Variants in HMGB1 observed in about 807,000 individuals in gnomAD.
The protein encoded by HMGB1 is high mobility group box 1.
For synonymous variants in HMGB1, 81 were observed against 84.0 expected, an observed-to-expected ratio of 0.96 and a Z score of 0.19; for missense variants, 79 against 253.5, an observed-to-expected ratio of 0.31 and a Z score of 4.67.
At chr13:30,486,218 A>G (rs925597884) in intron 1 of HMGB1, among the ~76,000 whole-genome samples, 1 of 152,190 alleles carries the variant, frequency 6.6e-6, no homozygotes, top group Non-Finnish European at 1.5e-5. Context: ...AGGCTGGCAT[A>G]TAGTCTGGTC....
intron 1 of HMGB1, among the ~76,000 whole-genome samples, chr13:30,604,058 G>C (rs1950429728): frequency 6.6e-6 from 1 of 150,836 alleles, no homozygotes; most frequent in South Asian, 2.1e-4. Context: ...ATAATGCTGT[G>C]ATGAAAAATA....
At chr13:30,543,983 A>T (rs887179289) in intron 1 of HMGB1, among the ~76,000 whole-genome samples, 2 of 152,206 alleles carry the variant, frequency 1.3e-5, no homozygotes, top group Non-Finnish European at 2.9e-5. Context: ...TTGAGATCAA[A>T]CCTCCATTCA....
At chr13:30,553,214 C>CG (rs1566023310) in intron 1 of HMGB1, among the ~76,000 whole-genome samples, 4 of 152,046 alleles carry the variant, frequency 2.6e-5, no homozygotes, top group South Asian at 4.1e-4. Flanking sequence ...TCTCTCCTTC[C>CG]GGGGGGTCAT....
intron 1 of HMGB1, among the ~76,000 whole-genome samples, chr13:30,496,095 TC>T (rs1418445354): frequency 6.6e-6 from 1 of 152,218 alleles, no homozygotes; most frequent in Admixed American, 6.5e-5. Context: ...TGGAGTCAAC[TC>T]AAACACTTAG....
At chr13:30,484,680 G>A (rs958293749) in intron 1 of HMGB1, among the ~76,000 whole-genome samples, 3 of 152,004 alleles carry the variant, frequency 2.0e-5, no homozygotes, top group African/African-American at 7.2e-5. Flanking sequence ...AACTAGCCTA[G>A]GAAACATTGT....
At chr13:30,616,828 C>T (rs1950569450) in exon 1 of HMGB1, 1 of 152,148 alleles carries the variant, frequency 6.6e-6, no homozygotes, top group Non-Finnish European at 1.5e-5. Flanking sequence ...CAGCATTATT[C>T]CAGAATATAA....
intron 1 of HMGB1, among the ~76,000 whole-genome samples, chr13:30,505,878 A>G (rs9551929): frequency 0.082 from 12,466 of 151,812 alleles, 741 homozygotes; most frequent in South Asian, 0.17. Flanking sequence ...CATCAAGTAG[A>G]CAGTTTTTTT....
chr13:30,460,199 A>G lies in HMGB1; in HGVS notation c.*1158T>C, dbSNP rs1187532117. 2.6e-5 allele frequency: 4 copies of G among 152,456 alleles called. No individual in the cohort carries two copies. Among genetic ancestry groups the G allele is most frequent in the African/African-American group, 9.7e-5 (4 of 41,398 alleles). 9.4% of individuals were successfully genotyped at this position (152,456 alleles called of 1,614,324 possible). A position where few individuals can be genotyped will look rare whatever the true frequency, so the allele number is the denominator to read the frequency against. On this transcript the variant is annotated 3_prime_UTR_variant, in exon 5 of 5. Transcript: ENST00000341423. ...AAGTTTGTCTTCTTTCTTCCTATCT[A>G]CTTGGATTTATAAAGGGGCAAACCG...
intron 1 of HMGB1, among the ~76,000 whole-genome samples, chr13:30,556,576 C>T: frequency 6.6e-6 from 1 of 151,948 alleles, no homozygotes; most frequent in East Asian, 1.9e-4. Context: ...ATTATTCAGC[C>T]ATAAAAAAGA....
chr13:30,505,187 T>C (rs1887825436), intron 1 of HMGB1, among the ~76,000 whole-genome samples: 1 of 151,310 alleles, frequency 6.6e-6, no homozygotes, highest in African/African-American at 2.4e-5. Flanking sequence ...GTTGTTGTTG[T>C]TATTGTTTGA....
chr13:30,503,293 G>C (rs1471941765), intron 1 of HMGB1, among the ~76,000 whole-genome samples: 3 of 151,832 alleles, frequency 2.0e-5, no homozygotes, highest in Non-Finnish European at 4.4e-5. Context: ...GCAGTGAGCC[G>C]AGATCGCGCC....
intron 1 of HMGB1, among the ~76,000 whole-genome samples, chr13:30,514,442 G>A (rs1459945819): frequency 6.7e-6 from 1 of 148,894 alleles, no homozygotes; most frequent in Non-Finnish European, 1.5e-5. Flanking sequence ...TCCCACCTCA[G>A]CCTCCCATGT....
At chr13:30,497,575 C>T (rs1006322179) in intron 1 of HMGB1, among the ~76,000 whole-genome samples, 12 of 151,802 alleles carry the variant, frequency 7.9e-5, no homozygotes, top group Admixed American at 2.0e-4. Context: ...TGGTGCCTGA[C>T]GGGTAGTTTT....
chr13:30,610,218 C>T (rs1950501207), intron 1 of HMGB1, among the ~76,000 whole-genome samples: 1 of 152,060 alleles, frequency 6.6e-6, no homozygotes, highest in Admixed American at 6.5e-5. Flanking sequence ...GGGCTATTAG[C>T]AGCTACGTTT....
Position 30,460,007 on chromosome 13 carries a change from G to A in HMGB1, c.*1350C>T, listed in dbSNP as rs1042260509. 2 of 152,474 alleles carry A rather than the reference G, an allele frequency of 1.3e-5. No individual in the cohort carries two copies. Among genetic ancestry groups the A allele is most frequent in the Non-Finnish European group, 2.9e-5 (2 of 67,972 alleles). 9.4% of individuals were successfully genotyped at this position (152,474 alleles called of 1,614,324 possible). On this transcript the variant is annotated 3_prime_UTR_variant, in exon 5 of 5. Coordinates refer to ENST00000341423, the MANE Select transcript of HMGB1 (RefSeq NM_002128.7). The stretch of plus-strand genomic sequence containing the variant: ...ATCACAAAAGCGTGTAAAATTACAA[G>A]AACGCTATTTTAAAATACTGGCACT...
intron 1 of HMGB1, among the ~76,000 whole-genome samples, chr13:30,550,206 C>A (rs1044055934): frequency 2.6e-5 from 4 of 151,918 alleles, no homozygotes; most frequent in African/African-American, 9.7e-5. Context: ...CTATCAGGAG[C>A]TATGACATCC....
chr13:30,508,700 A>G (rs1286720594), intron 1 of HMGB1, among the ~76,000 whole-genome samples: 1 of 152,000 alleles, frequency 6.6e-6, no homozygotes, highest in Non-Finnish European at 1.5e-5. Flanking sequence ...ACAATCAGGG[A>G]GTCTAATCAT....
chr13:30,584,784 T>C (rs1438393499), intron 1 of HMGB1, among the ~76,000 whole-genome samples: 1 of 152,194 alleles, frequency 6.6e-6, no homozygotes, highest in Non-Finnish European at 1.5e-5. Context: ...ATGCTTACAA[T>C]TAACACAATT....
intron 1 of HMGB1, among the ~76,000 whole-genome samples, chr13:30,577,780 G>A (rs1325743929): frequency 6.6e-6 from 1 of 152,140 alleles, no homozygotes. Flanking sequence ...ACACAGCTTG[G>A]CACATTATAA....
Sources: gnomAD v4.1 joint callset for allele counts (sites outside exome capture counted in the v4.1 genomes callset) on GRCh38, gnomAD v4.1.1 for gene constraint, MANE v1.5 for transcripts, NCBI Gene and HGNC (gene_info 2026-07-23, HGNC 2026-07-21) for gene names.